Variants in CSNK1D observed in about 807,000 individuals in gnomAD.
CSNK1D encodes the protein casein kinase 1 delta, also known as casein kinase I isoform delta.
A neutral mutation model predicts 46.6 loss-of-function variants in CSNK1D; 16 were observed. The ratio of observed to expected loss-of-function variants is 0.34; its 90% CI spans 0.23 to 0.52. CSNK1D has a LOEUF of 0.52. CSNK1D is among the 20% of genes least tolerant of loss of function. CSNK1D has a pLI of 0.95. For missense variants in CSNK1D, 398 were observed against 578.4 expected (o/e 0.69, Z 3.20); for synonymous variants, 276 against 228.2 (o/e 1.21, Z -1.89).
At chr17:82,265,991 A>T (rs2051458314) in intron 1 of CSNK1D, among the ~76,000 whole-genome samples, 195 bp from the exon 2 acceptor site, 1 of 152,204 alleles carries the variant, frequency 6.6e-6, no homozygotes. Flanking sequence ...CCATTTTCAC[A>T]ACAGGACGAA....
chr17:82,258,491 C>T (rs1282885932), intron 2 of CSNK1D, among the ~76,000 whole-genome samples: 3 of 152,002 alleles, frequency 2.0e-5, no homozygotes, highest in Admixed American at 6.6e-5. Flanking sequence ...ATAAAGTTCC[C>T]GACTTTGGGT....
At chr17:82,254,588 GCCT>G (rs2051115383) in intron 3 of CSNK1D, 1 of 190,056 alleles carries the variant, frequency 5.3e-6, no homozygotes, top group Admixed American at 7.4e-5. Flanking sequence ...AGCCGCCGGA[GCCT>G]CGAGAAGCCA....
chr17:82,242,834 C>A lies in CSNK1D; in HGVS notation c.*1947G>T. ...ACGGGGACTAGATACTGGGCAAGGA[C>A]TGTCACAAGCACTCCGAAGACGCGA... is the stretch of plus-strand genomic sequence containing the variant. On this transcript the variant is annotated 3_prime_UTR_variant, in exon 9 of 9. Coordinates refer to ENST00000314028, the MANE Select transcript of CSNK1D (RefSeq NM_001893.6). The A allele has an allele frequency of 8.1e-6, 8 of 985,092 alleles. No individual in the cohort carries two copies. The highest frequency in any genetic ancestry group is 9.6e-6 in the Non-Finnish European group (8 of 829,594). The allele number at this position is 985,092 out of a possible 1,614,324, so 61.0% of individuals were successfully genotyped here. A position where few individuals can be genotyped will look rare whatever the true frequency, so the allele number is the denominator to read the frequency against.
chr17:82,243,465 C>A lies in CSNK1D; in HGVS notation c.*1316G>T. 1 of 985,514 alleles carries A rather than the reference C, an allele frequency of 1.0e-6. No individual in the cohort carries two copies. The allele number at this position is 985,514 out of a possible 1,614,324, so 61.0% of individuals were successfully genotyped here. A position where few individuals can be genotyped will look rare whatever the true frequency, so the allele number is the denominator to read the frequency against. On this transcript the variant is annotated 3_prime_UTR_variant, in exon 9 of 9. Coordinates refer to ENST00000314028, the MANE Select transcript of CSNK1D (RefSeq NM_001893.6). ...AACCTCAGGGCACAGCAGCATGGAG[C>A]CTGGGGCAGCACCAGCTCACGGAGG...
In CSNK1D at chr17:82,252,948, T is replaced by C; in HGVS notation, c.565+68A>G. 1 of 1,423,484 alleles carries C rather than the reference T, an allele frequency of 7.0e-7. No homozygotes were observed. The highest frequency in any genetic ancestry group is 9.9e-7 in the Non-Finnish European group (1 of 1,013,960). The allele number at this position is 1,423,484 out of a possible 1,614,324, so 88.2% of individuals were successfully genotyped here. ...CCCAGCTCCCCGAGAGGCTGGCCTC[T>C]CCCTGGGCTGAGGCATGGACGCGCC... On this transcript the variant is annotated intron_variant, in intron 4 of 8. Coordinates refer to ENST00000314028, the MANE Select transcript of CSNK1D (RefSeq NM_001893.6). This position sits in a 1 kb window ranked among gnomAD's most constrained non-coding sequence, Gnocchi z 4.6.
At chr17:82,257,772 G>A (rs1349967267) in intron 2 of CSNK1D, among the ~76,000 whole-genome samples, 1 of 152,238 alleles carries the variant, frequency 6.6e-6, no homozygotes, top group Admixed American at 6.5e-5. Flanking sequence ...ATGTGGAAGA[G>A]CACAGCATGC....
chr17:82,253,103 G>A lies in CSNK1D; in HGVS notation c.478C>T (p.Arg160Cys). 2 of 1,614,208 alleles carry A rather than the reference G, an allele frequency of 1.2e-6. No individual in the cohort carries two copies. Among genetic ancestry groups the A allele is most frequent in the Non-Finnish European group, 1.7e-6 (2 of 1,180,040 alleles). ...CGATAGGGGATGTGCTGGTGGGTGC[G>A]TGCATCCCGGTACTTCTTGGCCAGC... ...FGLAKKYRDARTHQHIPYREN... is the reference protein window; with the variant it reads ...FGLAKKYRDACTHQHIPYREN... The change falls in exon 4 of 9, where the codon CGC becomes TGC. Residue 160 changes from arginine (R) to cysteine (C), a missense_variant. This residue lies in a region of CSNK1D where 217 missense variants were observed against 370.3 expected (regional missense o/e 0.59). Coordinates refer to ENST00000314028, the MANE Select transcript of CSNK1D (RefSeq NM_001893.6).
At chr17:82,258,731 C>T (rs530236607) in intron 2 of CSNK1D, among the ~76,000 whole-genome samples, 6 of 152,316 alleles carry the variant, frequency 3.9e-5, no homozygotes, top group Admixed American at 3.9e-4. Context: ...CACCTTCTTT[C>T]TTTCTGCCCC....
In CSNK1D at chr17:82,242,972, C is replaced by T. The variant is rs2050765391; in HGVS notation, c.*1809G>A. On this transcript the variant is annotated 3_prime_UTR_variant, in exon 9 of 9. Coordinates refer to ENST00000314028, the MANE Select transcript of CSNK1D (RefSeq NM_001893.6). ...AGCAAGCTTGCGCCACTTCAGGCCA[C>T]AGCGCGACGTCTCTCCGGGTGGGGG... 1.0e-6 allele frequency: 1 copy of T among 985,458 alleles called. No homozygotes were observed. The highest frequency in any genetic ancestry group is 1.1e-4 in the East Asian group (1 of 8,818). The allele number at this position is 985,458 out of a possible 1,614,324, so 61.0% of individuals were successfully genotyped here.
chr17:82,268,824 T>C (rs1206646029), intron 1 of CSNK1D, among the ~76,000 whole-genome samples: 3 of 152,044 alleles, frequency 2.0e-5, no homozygotes, highest in Non-Finnish European at 4.4e-5. Flanking sequence ...CCGGGTGTGG[T>C]GGTTCACGCC....
downstream of CSNK1D, among the ~76,000 whole-genome samples, chr17:82,240,891 A>G (rs779358612): frequency 2.6e-5 from 4 of 152,112 alleles, no homozygotes; most frequent in Non-Finnish European, 5.9e-5. Context: ...AAAGGAGGGA[A>G]GCCATGGGGC....
At chr17:82,269,218 A>G (rs1292606233) in intron 1 of CSNK1D, among the ~76,000 whole-genome samples, 1 of 152,078 alleles carries the variant, frequency 6.6e-6, no homozygotes, top group Non-Finnish European at 1.5e-5. Flanking sequence ...AACTCCCATT[A>G]AGGATTGTCT....
Position 82,251,565 on chromosome 17 carries a change from C to G in CSNK1D, c.737-38G>C. 1 of 1,611,528 alleles carries G rather than the reference C, an allele frequency of 6.2e-7. No individual in the cohort carries two copies. Among genetic ancestry groups the G allele is most frequent in the Non-Finnish European group, 8.5e-7 (1 of 1,178,608 alleles). On this transcript the variant is annotated intron_variant, in intron 5 of 8. Transcript: ENST00000314028. This position sits in a 1 kb window ranked among gnomAD's most constrained non-coding sequence, Gnocchi z 4.5. ...AAACTCAAAGCTAACTCATGAAACC[C>G]AACTGCGACTCAAGGTGTCTCTGCC...
Position 82,255,120 on chromosome 17 carries a change from CT to C in CSNK1D, c.336+308del. 2.4e-6 allele frequency: 1 copy of C among 415,530 alleles called. No homozygotes were observed. The highest frequency in any genetic ancestry group is 4.5e-6 in the Non-Finnish European group (1 of 224,620). 25.7% of individuals were successfully genotyped at this position (415,530 alleles called of 1,614,324 possible). ...GCCGGAGCCTCGAGAAGCCAGTGAG[CT>C]GAGCCGTCGGAGCCTCCAGAAGCCA... On this transcript the variant is annotated intron_variant, in intron 3 of 8. Transcript: ENST00000314028. This position sits in a 1 kb window ranked among gnomAD's most constrained non-coding sequence, Gnocchi z 5.9.
At position 82,243,338 on chromosome 17, in the gene CSNK1D, G is replaced by A; in HGVS notation, c.*1443C>T. 1 of 985,552 alleles carries A rather than the reference G, an allele frequency of 1.0e-6. No individual in the cohort carries two copies. Among genetic ancestry groups the A allele is most frequent in the Non-Finnish European group, 1.2e-6 (1 of 830,006 alleles). The allele number at this position is 985,552 out of a possible 1,614,324, so 61.1% of individuals were successfully genotyped here. ...TCCATCGTGATGGGGTCCAGCCGAA[G>A]TGCCCACGAACACAGACTGCCCTGC... On this transcript the variant is annotated 3_prime_UTR_variant, in exon 9 of 9. Transcript: ENST00000314028.
intron 8 of CSNK1D, chr17:82,246,735 G>C (rs1263347829): frequency 1.0e-5 from 10 of 992,250 alleles, no homozygotes; most frequent in Non-Finnish European, 1.2e-5. Context: ...CAAGCCCTGG[G>C]AGACCTTCCT....
In CSNK1D at chr17:82,273,331, G is replaced by T; in HGVS notation, c.51C>A (p.Ser17Arg). 6.2e-7 allele frequency: 1 copy of T among 1,609,692 alleles called. No homozygotes were observed. Among genetic ancestry groups the T allele is most frequent in the Non-Finnish European group, 8.5e-7 (1 of 1,179,136 alleles). The change falls in exon 1 of 9, where the codon AGC becomes AGA. Residue 17 changes from serine (S) to arginine (R), a missense_variant. By Grantham distance (110) the Ser-to-Arg change is moderately radical (BLOSUM62 -1). This residue lies in a region of CSNK1D where 217 missense variants were observed against 370.3 expected (regional missense o/e 0.59). Transcript: ENST00000314028. This position sits in a 1 kb window ranked among gnomAD's most constrained non-coding sequence, Gnocchi z 5.1. Reference protein sequence around the residue: ...NRYRLGRKIGSGSFGDIYLGT... With the variant: ...NRYRLGRKIGRGSFGDIYLGT... Reference sequence around the variant, plus strand: ...CGAGATAGATGTCTCCGAAGGAGCCGCTGCCGATCTTCCGGCCCAGCCGGT... The same window carrying T: ...CGAGATAGATGTCTCCGAAGGAGCCTCTGCCGATCTTCCGGCCCAGCCGGT...
In CSNK1D at chr17:82,244,050, CAA is replaced by C. The variant is rs773188424; in HGVS notation, c.*729_*730del. The C allele has an allele frequency of 6.9e-5, 68 of 989,126 alleles. 1 individual carries two copies. The highest frequency in any genetic ancestry group is 1.2e-4 in the Admixed American group (2 of 16,982). The allele number at this position is 989,126 out of a possible 1,614,324, so 61.3% of individuals were successfully genotyped here. On this transcript the variant is annotated 3_prime_UTR_variant, in exon 9 of 9. Coordinates refer to ENST00000314028, the MANE Select transcript of CSNK1D (RefSeq NM_001893.6). ...GTCCCTAACTGCTCTCCGAGGGCCT[CAA>C]GAGTTCCTGACAGCAGGCATGTCAA...
intron 8 of CSNK1D, chr17:82,245,076 C>T (rs1210815683): frequency 4.9e-6 from 3 of 613,498 alleles, no homozygotes; most frequent in South Asian, 1.9e-5. Flanking sequence ...GAGCCGGGCT[C>T]GGCAGGGTCG....
Sources: allele counts gnomAD v4.1 joint callset (sites outside exome capture counted in the v4.1 genomes callset), GRCh38; gene constraint gnomAD v4.1.1; regional missense constraint gnomAD v4.1.1; non-coding constraint Gnocchi (gnomAD v3.1); transcripts MANE v1.5; gene names NCBI Gene and HGNC (gene_info 2026-07-23, HGNC 2026-07-21).